WDR25: variants seen among roughly 807,000 people sequenced by gnomAD.
WDR25 encodes the protein WD repeat domain 25, also known as WD repeat-containing protein 25.
A neutral mutation model predicts 47.7 loss-of-function variants in WDR25; 35 were observed. The observed-to-expected ratio is 0.73, with a 90% CI of 0.56 to 0.97. WDR25 has a LOEUF of 0.97. WDR25 is among the 50% of genes least tolerant of loss of function. The probability of loss-of-function intolerance (pLI) is 0.00; values close to 1 mark genes in which losing one functional copy is unlikely to be tolerated. For missense variants in WDR25, 634 were observed against 704.7 expected (o/e 0.90, Z 1.14); for synonymous variants, 248 against 278.9 (o/e 0.89, Z 1.10).
rs773321025 is a variant in WDR25, at chr14:100,381,445, T to C, written c.521T>C (p.Val174Ala). 11 of 1,614,004 alleles carry C rather than the reference T, an allele frequency of 6.8e-6. No homozygotes were observed. The Admixed American group carries it at 1.8e-4, about 27-fold the overall frequency. ...FQKKKCEDCVVPYTPRRLRQR... is the reference protein window; with the variant it reads ...FQKKKCEDCVAPYTPRRLRQR... The stretch of plus-strand genomic sequence containing the variant: ...AAGAAAAAATGTGAGGACTGTGTGG[T>C]ACCCTATACTCCCAGAAGACTAAGA... The change falls in exon 2 of 7, where the codon GTA (valine) becomes GCA (alanine). Residue 174 changes from valine to alanine, a missense_variant. Val to Ala is a moderately conservative substitution (Grantham distance 64). Transcript: ENST00000402312.
chr14:100,417,599 C>T (rs561850457), intron 2 of WDR25, among the ~76,000 whole-genome samples: 9 of 152,310 alleles, frequency 5.9e-5, no homozygotes, highest in Admixed American at 3.9e-4. Flanking sequence ...AGAGAGCTGC[C>T]TGAGCATTAC....
At position 100,523,790 on chromosome 14, in the gene WDR25, G is replaced by C. The variant is rs2029978134; in HGVS notation, c.1102-2080G>C. 1.3e-5 allele frequency among the ~76,000 whole-genome samples: 2 copies of C among 152,096 alleles called. No individual in the cohort carries two copies. Among genetic ancestry groups the C allele is most frequent in the Non-Finnish European group, 2.9e-5 (2 of 68,008 alleles). ...GACCATGTCCCTGCATCTCTACCAG[G>C]GGCCCGCAGTTGCCAGAAGAGTCTG... On this transcript the variant is annotated intron_variant, in intron 4 of 6. Coordinates refer to ENST00000402312, the MANE Select transcript of WDR25 (RefSeq NM_001161476.3). This position sits in a 1 kb window ranked among gnomAD's most constrained non-coding sequence, Gnocchi z 4.7.
chr14:100,412,713 G>T (rs537300612), intron 2 of WDR25, among the ~76,000 whole-genome samples: 2 of 152,294 alleles, frequency 1.3e-5, no homozygotes, highest in African/African-American at 4.8e-5. Context: ...TATTAGCAAA[G>T]GGGAGAGTGT....
rs1006916623 is a variant in WDR25 at position 100,525,360 on chromosome 14, C to T, written c.1102-510C>T. 6.6e-6 allele frequency among the ~76,000 whole-genome samples: 1 copy of T among 152,238 alleles called. No individual in the cohort carries two copies. Among genetic ancestry groups the T allele is most frequent in the Non-Finnish European group, 1.5e-5 (1 of 68,046 alleles). ...ATGATGCTAAAACAATACAAAGTGTCGTTAAAGCTAAAATATGTCCTGTGA... is the reference window on the plus strand; with the variant it reads ...ATGATGCTAAAACAATACAAAGTGTTGTTAAAGCTAAAATATGTCCTGTGA... On this transcript the variant is annotated intron_variant, in intron 4 of 6. Coordinates refer to ENST00000402312, the MANE Select transcript of WDR25 (RefSeq NM_001161476.3). This position sits in a 1 kb window ranked among gnomAD's most constrained non-coding sequence, Gnocchi z 4.6.
At position 100,490,087 on chromosome 14, in the gene WDR25, G is replaced by A. The variant is rs530160850; in HGVS notation, c.1101+5963G>A. 3.9e-5 allele frequency among the ~76,000 whole-genome samples: 6 copies of A among 152,268 alleles called. No individual in the cohort carries two copies. In the East Asian group the frequency reaches 1.2e-3, roughly 29 times the overall value. On this transcript the variant is annotated intron_variant, in intron 4 of 6. Coordinates refer to ENST00000402312, the MANE Select transcript of WDR25 (RefSeq NM_001161476.3). ...TTTGTCCCACACCCTCTGCAGGCACGTGTCCTAACATGCAGGTGACAGGGG... is the reference window on the plus strand; with the variant it reads ...TTTGTCCCACACCCTCTGCAGGCACATGTCCTAACATGCAGGTGACAGGGG...
intron 2 of WDR25, among the ~76,000 whole-genome samples, chr14:100,405,171 T>TC (rs1897496627): frequency 6.7e-6 from 1 of 148,924 alleles, no homozygotes; most frequent in Non-Finnish European, 1.5e-5. Flanking sequence ...GCCCCATCTT[T>TC]TTTTTTTGAG....
At chr14:100,437,971 G>A (rs1200939719) in intron 2 of WDR25, among the ~76,000 whole-genome samples, 1 of 152,190 alleles carries the variant, frequency 6.6e-6, no homozygotes, top group African/African-American at 2.4e-5. Flanking sequence ...GAAGTAGTTG[G>A]AGTCTGGGAA....
chr14:100,522,450 C>T (rs929079042), intron 4 of WDR25, among the ~76,000 whole-genome samples: 2 of 152,154 alleles, frequency 1.3e-5, no homozygotes, highest in African/African-American at 2.4e-5. Context: ...TCTGCTTTTG[C>T]GACTTTAAAC....
chr14:100,490,477 T>C (rs886514620), intron 4 of WDR25, among the ~76,000 whole-genome samples: 4 of 152,238 alleles, frequency 2.6e-5, no homozygotes, highest in Non-Finnish European at 4.4e-5. Context: ...CTCAGGATGA[T>C]AGTAATAGGA....
chr14:100,467,896 T>A (rs1899690519), intron 2 of WDR25, 125 bp from the exon 3 acceptor site: 3 of 1,257,598 alleles, frequency 2.4e-6, no homozygotes, highest in Non-Finnish European at 3.3e-6. Flanking sequence ...TAGATATAGA[T>A]TTGATGGTAA....
In WDR25 at chr14:100,440,804, C is replaced by T. The variant is rs546765375; in HGVS notation, c.823-27217C>T. Reference sequence around the variant, plus strand: ...GGGGAGGTAACCACCTCGATAAATTCGTCAGCGAGGCAGCTGGAGGGATGT... The same window carrying T: ...GGGGAGGTAACCACCTCGATAAATTTGTCAGCGAGGCAGCTGGAGGGATGT... On this transcript the variant is annotated intron_variant, in intron 2 of 6. Coordinates refer to ENST00000402312, the MANE Select transcript of WDR25 (RefSeq NM_001161476.3). This position sits in a 1 kb window ranked among gnomAD's most constrained non-coding sequence, Gnocchi z 4.4. Among the ~76,000 whole-genome samples, 137 of 152,306 alleles carry T rather than the reference C, an allele frequency of 9.0e-4. No homozygotes were observed. The highest frequency in any genetic ancestry group is 2.6e-3 in the African/African-American group (109 of 41,558).
At position 100,456,801 on chromosome 14, in the gene WDR25, T is replaced by G. The variant is rs73349437; in HGVS notation, c.823-11220T>G. On this transcript the variant is annotated intron_variant, in intron 2 of 6. Transcript: ENST00000402312. ...TGAAAGTGGAGTCCTCAAAGAAGGGTAGAACAGAAAAAATATTTAAAGAAA... is the reference window on the plus strand; with the variant it reads ...TGAAAGTGGAGTCCTCAAAGAAGGGGAGAACAGAAAAAATATTTAAAGAAA... 4.9e-3 allele frequency among the ~76,000 whole-genome samples: 748 copies of G among 152,190 alleles called. 10 individuals carry two copies. Among genetic ancestry groups the G allele is most frequent in the African/African-American group, 0.017 (704 of 41,514 alleles).
At chr14:100,503,068 T>C (rs1231690825) in intron 4 of WDR25, among the ~76,000 whole-genome samples, 1 of 151,756 alleles carries the variant, frequency 6.6e-6, no homozygotes, top group African/African-American at 2.4e-5. Context: ...CGTGTGTGTG[T>C]GTGTGTGTGC....
Position 100,529,394 on chromosome 14 carries a change from C to T in WDR25, c.1413+186C>T, listed in dbSNP as rs1206208054. 1.2e-6 allele frequency: 1 copy of T among 855,826 alleles called. No homozygotes were observed. Among genetic ancestry groups the T allele is most frequent in the African/African-American group, 1.7e-5 (1 of 58,842 alleles). 53.0% of individuals were successfully genotyped at this position (855,826 alleles called of 1,614,324 possible). A position where few individuals can be genotyped will look rare whatever the true frequency, so the allele number is the denominator to read the frequency against. ...GTCCCTGAACCACATCTGGTCCTCA[C>T]CCCAGGCCCCACGTACTGGGCAGGA... On this transcript the variant is annotated intron_variant, in intron 6 of 6. Transcript: ENST00000402312. This position sits in a 1 kb window ranked among gnomAD's most constrained non-coding sequence, Gnocchi z 5.1.
At chr14:100,513,771 T>C (rs1055425572) in intron 4 of WDR25, among the ~76,000 whole-genome samples, 1 of 151,760 alleles carries the variant, frequency 6.6e-6, no homozygotes, top group African/African-American at 2.4e-5. Context: ...CAAGTGATCC[T>C]CCTGCCTCGG....
intron 4 of WDR25, among the ~76,000 whole-genome samples, chr14:100,501,095 T>C (rs1160271624): frequency 6.6e-6 from 1 of 152,112 alleles, no homozygotes; most frequent in Admixed American, 6.5e-5. Context: ...GGGTCCGGCT[T>C]GAATGTCAGG....
At chr14:100,474,297 A>G (rs1020727360) in intron 3 of WDR25, among the ~76,000 whole-genome samples, 1 of 152,224 alleles carries the variant, frequency 6.6e-6, no homozygotes, top group Non-Finnish European at 1.5e-5. Flanking sequence ...AAATGTTATT[A>G]AACTTCATTA....
intron 2 of WDR25, among the ~76,000 whole-genome samples, chr14:100,415,704 A>G (rs930123483): frequency 6.6e-6 from 1 of 152,170 alleles, no homozygotes. Context: ...CCTTGCCTTC[A>G]TGGGATCGCT....
rs1274045386 is a variant in WDR25 at position 100,425,174 on chromosome 14, T to G, written c.823-42847T>G. On this transcript the variant is annotated intron_variant, in intron 2 of 6. Coordinates refer to ENST00000402312, the MANE Select transcript of WDR25 (RefSeq NM_001161476.3). The surrounding 1 kb of genome is among the most constrained non-coding windows in gnomAD (Gnocchi z 4.8). Reference sequence around the variant, plus strand: ...TTGCTGGCCCCATGGCCTGCAGGGCTCAGGATCAAGTTCCTCTTCCTTGAT... The same window carrying G: ...TTGCTGGCCCCATGGCCTGCAGGGCGCAGGATCAAGTTCCTCTTCCTTGAT... 6.6e-6 allele frequency among the ~76,000 whole-genome samples: 1 copy of G among 152,212 alleles called. No individual in the cohort carries two copies. The highest frequency in any genetic ancestry group is 1.5e-5 in the Non-Finnish European group (1 of 68,038).
Sources: gnomAD v4.1 joint callset for allele counts (sites outside exome capture counted in the v4.1 genomes callset) on GRCh38, gnomAD v4.1.1 for gene constraint, Gnocchi (gnomAD v3.1) non-coding constraint, MANE v1.5 for transcripts, NCBI Gene and HGNC (gene_info 2026-07-23, HGNC 2026-07-21) for gene names.